SLC2A13: variants seen among roughly 807,000 people sequenced by gnomAD.
SLC2A13 encodes the protein solute carrier family 2 member 13, also known as proton myo-inositol cotransporter.
Under a neutral mutation model 64.4 loss-of-function variants are expected in SLC2A13, and 32 were observed. That is an observed-to-expected ratio of 0.50 (90% confidence interval 0.37 to 0.67). The LOEUF is 0.67. SLC2A13 is among the 30% of genes least tolerant of loss of function. The pLI is 0.00. For missense variants in SLC2A13, 743 were observed against 829.2 expected (o/e 0.90, Z 1.28); for synonymous variants, 338 against 327.1 (o/e 1.03, Z -0.36).
At chr12:39,867,990 T>C (rs900636814) in intron 5 of SLC2A13, among the ~76,000 whole-genome samples, 1 of 152,368 alleles carries the variant, frequency 6.6e-6, no homozygotes, top group African/African-American at 2.4e-5. Flanking sequence ...CACTTAGTCC[T>C]ATCATCTACT....
At chr12:40,047,957 A>G (rs1948195344) in intron 2 of SLC2A13, 94 bp downstream of exon 2, 1 of 1,188,438 alleles carries the variant, frequency 8.4e-7, no homozygotes, top group Non-Finnish European at 1.2e-6. Context: ...ATGATTCAAA[A>G]CACACAGCTA....
chr12:39,813,778 C>T lies in SLC2A13; in HGVS notation c.1445+16325G>A, dbSNP rs1942261135. Among the ~76,000 whole-genome samples, 7 of 152,220 alleles carry T rather than the reference C, an allele frequency of 4.6e-5. 1 individual carries two copies. The South Asian group carries it at 1.5e-3, about 32-fold the overall frequency. On this transcript the variant is annotated intron_variant, in intron 7 of 9. Coordinates refer to ENST00000280871, the MANE Select transcript of SLC2A13 (RefSeq NM_052885.4). ...ACCATCTACAATCTCAATGTGAGTT[C>T]CATTTGATTTAAAATTTAAAATAGC...
At chr12:40,101,471 T>C (rs1939145740) in intron 1 of SLC2A13, among the ~76,000 whole-genome samples, 1 of 152,190 alleles carries the variant, frequency 6.6e-6, no homozygotes, top group Non-Finnish European at 1.5e-5. Flanking sequence ...CATCCTGTAG[T>C]AGCCATCTCA....
intron 4 of SLC2A13, among the ~76,000 whole-genome samples, chr12:39,890,332 A>G (rs1944572878): frequency 6.6e-6 from 1 of 152,238 alleles, no homozygotes; most frequent in Non-Finnish European, 1.5e-5. Flanking sequence ...GAAAAAAAAT[A>G]CATTGTGGCA....
chr12:39,966,169 T>TAG (rs145499576), intron 3 of SLC2A13, among the ~76,000 whole-genome samples: 2 of 150,900 alleles, frequency 1.3e-5, no homozygotes, highest in South Asian at 2.1e-4. Context: ...TATGTGTGTG[T>TAG]AGAGAGAGAG....
chr12:39,986,369 G>A (rs1012069036), intron 3 of SLC2A13, among the ~76,000 whole-genome samples: 2 of 151,960 alleles, frequency 1.3e-5, no homozygotes, highest in Non-Finnish European at 2.9e-5. Flanking sequence ...CACCCACCTC[G>A]TCGCCACTGA....
At chr12:39,867,611 G>A (rs1301993872) in intron 5 of SLC2A13, among the ~76,000 whole-genome samples, 1 of 152,110 alleles carries the variant, frequency 6.6e-6, no homozygotes, top group Non-Finnish European at 1.5e-5. Context: ...TAAAAATTAT[G>A]AGAAATAAAC....
intron 1 of SLC2A13, among the ~76,000 whole-genome samples, chr12:40,074,385 T>C (rs1322019355): frequency 1.3e-5 from 2 of 152,128 alleles, no homozygotes; most frequent in Non-Finnish European, 2.9e-5. Flanking sequence ...CAGGATGGTC[T>C]CAAACTCCCA....
intron 3 of SLC2A13, among the ~76,000 whole-genome samples, chr12:39,961,787 C>T (rs539168321): frequency 2.6e-5 from 4 of 151,328 alleles, no homozygotes; most frequent in East Asian, 2.0e-4. Context: ...AGGTGTGAGC[C>T]GCCACACTCG....
intron 6 of SLC2A13, among the ~76,000 whole-genome samples, chr12:39,838,411 C>A (rs1213754302): frequency 3.0e-4 from 42 of 141,146 alleles, no homozygotes; most frequent in Admixed American, 7.2e-4. Flanking sequence ...TTAGTGGGTG[C>A]AGCGCACCAG....
At chr12:40,038,010 C>T (rs1350654633) in intron 2 of SLC2A13, among the ~76,000 whole-genome samples, 2 of 152,122 alleles carry the variant, frequency 1.3e-5, no homozygotes, top group Admixed American at 6.5e-5. Flanking sequence ...GACCTCTGCT[C>T]TTTAATATTT....
At chr12:39,762,104 G>A (rs911849458) in intron 9 of SLC2A13, among the ~76,000 whole-genome samples, 26 of 152,004 alleles carry the variant, frequency 1.7e-4, no homozygotes, top group African/African-American at 2.4e-4. Flanking sequence ...TCCAAAGCAC[G>A]CAAATGCCAA....
At chr12:40,036,205 A>G (rs1947981411) in intron 2 of SLC2A13, among the ~76,000 whole-genome samples, 2 of 152,210 alleles carry the variant, frequency 1.3e-5, no homozygotes, top group South Asian at 4.1e-4. Context: ...GAGAGCAGTT[A>G]TTCCAACAGA....
At chr12:39,884,542 C>T (rs545933259) in intron 4 of SLC2A13, among the ~76,000 whole-genome samples, 1 of 152,194 alleles carries the variant, frequency 6.6e-6, no homozygotes, top group African/African-American at 2.4e-5. Flanking sequence ...CAATAAGATG[C>T]AATTAAGATA....
At chr12:40,096,900 C>T (rs960578241) in intron 1 of SLC2A13, among the ~76,000 whole-genome samples, 7 of 152,168 alleles carry the variant, frequency 4.6e-5, no homozygotes, top group South Asian at 2.1e-4. Context: ...TACTAATTTA[C>T]GAAACATTAT....
chr12:39,826,742 CAT>C (rs958007018), intron 7 of SLC2A13, among the ~76,000 whole-genome samples: 13 of 150,020 alleles, frequency 8.7e-5, no homozygotes, highest in South Asian at 4.2e-4. Context: ...AATTATAACA[CAT>C]ATATATGTCA....
chr12:39,827,986 C>A (rs912433602), intron 7 of SLC2A13, among the ~76,000 whole-genome samples: 1 of 152,030 alleles, frequency 6.6e-6, no homozygotes, highest in Non-Finnish European at 1.5e-5. Flanking sequence ...AGATGGGAAT[C>A]CAAGGTCATG....
At chr12:40,034,236 T>G (rs1283262199) in intron 2 of SLC2A13, among the ~76,000 whole-genome samples, 1 of 152,180 alleles carries the variant, frequency 6.6e-6, no homozygotes, top group Non-Finnish European at 1.5e-5. Flanking sequence ...CAGTAAAGGT[T>G]TTCAGACACC....
chr12:39,852,284 A>T (rs560736078), intron 6 of SLC2A13, among the ~76,000 whole-genome samples: 1 of 152,324 alleles, frequency 6.6e-6, no homozygotes, highest in East Asian at 1.9e-4. Flanking sequence ...TGCTGGTCAG[A>T]TTTCCCTTTA....
Sources: allele counts gnomAD v4.1 joint callset (sites outside exome capture counted in the v4.1 genomes callset), GRCh38; gene constraint gnomAD v4.1.1; transcripts MANE v1.5; gene names NCBI Gene and HGNC (gene_info 2026-07-23, HGNC 2026-07-21).